The following PPP1R9A variants were observed in gnomAD, a reference collection of about 807,000 sequenced individuals.
The protein encoded by PPP1R9A is neurabin-1.
A neutral mutation model predicts 141.9 loss-of-function variants in PPP1R9A; 59 were observed. The observed-to-expected ratio is 0.42, with a 90% CI of 0.34 to 0.52. The LOEUF (loss-of-function observed/expected upper bound fraction) is 0.52, where lower values mean the gene tolerates loss of function less well. Ranked by LOEUF, PPP1R9A falls within the 20% of genes least tolerant of loss-of-function variation. The pLI is 0.10. For synonymous variants in PPP1R9A, 500 were observed against 569.7 expected (o/e 0.88, Z 1.74); for missense variants, 1,444 against 1,611.9 (o/e 0.90, Z 1.78).
At chr7:95,172,447 A>G (rs1832261891) in intron 5 of PPP1R9A, among the ~76,000 whole-genome samples, 1 of 151,846 alleles carries the variant, frequency 6.6e-6, no homozygotes, top group African/African-American at 2.4e-5. Flanking sequence ...CAATCATGTT[A>G]CAGAAGATGA....
At chr7:95,069,493 A>G (rs1813460023) in intron 2 of PPP1R9A, among the ~76,000 whole-genome samples, 1 of 151,962 alleles carries the variant, frequency 6.6e-6, no homozygotes, top group Non-Finnish European at 1.5e-5. Flanking sequence ...AGAGAGAAGA[A>G]AGGAAAAATC....
At chr7:94,946,844 A>G (rs1220580912) in intron 2 of PPP1R9A, among the ~76,000 whole-genome samples, 1 of 152,130 alleles carries the variant, frequency 6.6e-6, no homozygotes, top group African/African-American at 2.4e-5. Context: ...ATGTCTGTTT[A>G]CTGTTTGAAC....
intron 5 of PPP1R9A, among the ~76,000 whole-genome samples, chr7:95,167,328 G>A (rs757519406): frequency 6.6e-6 from 1 of 152,152 alleles, no homozygotes; most frequent in Non-Finnish European, 1.5e-5. Flanking sequence ...CCCATGACAT[G>A]TGGGAATTGT....
chr7:94,985,902 A>G (rs758556340), intron 2 of PPP1R9A, among the ~76,000 whole-genome samples: 38 of 152,200 alleles, frequency 2.5e-4, no homozygotes, highest in Non-Finnish European at 1.3e-4. Flanking sequence ...GATATGAGAA[A>G]GTTTTCAGAA....
chr7:95,047,564 A>C (rs1401617340), intron 2 of PPP1R9A, among the ~76,000 whole-genome samples: 1 of 152,206 alleles, frequency 6.6e-6, no homozygotes, highest in Non-Finnish European at 1.5e-5. Flanking sequence ...TGTTGAGCCC[A>C]AAAAGACTGT....
intron 7 of PPP1R9A, among the ~76,000 whole-genome samples, chr7:95,217,554 C>T (rs920626662): frequency 6.6e-6 from 1 of 152,092 alleles, no homozygotes; most frequent in African/African-American, 2.4e-5. Context: ...GGTACCAGCT[C>T]CTCCTTGTAC....
chr7:94,944,938 G>A (rs944747828), intron 2 of PPP1R9A, among the ~76,000 whole-genome samples: 1 of 151,984 alleles, frequency 6.6e-6, no homozygotes, highest in Admixed American at 6.6e-5. Context: ...AGGGGATGAC[G>A]TATAATGTCT....
intron 4 of PPP1R9A, chr7:95,156,755 C>T (rs1829676841): frequency 6.6e-6 from 1 of 152,072 alleles, no homozygotes; most frequent in South Asian, 2.1e-4. Flanking sequence ...GTGGATTGTT[C>T]CACTCTGCAG....
At chr7:94,919,453 GT>G (rs1355732069) in intron 2 of PPP1R9A, among the ~76,000 whole-genome samples, 6 of 151,894 alleles carry the variant, frequency 4.0e-5, no homozygotes, top group Non-Finnish European at 8.8e-5. Context: ...CCAACATAGG[GT>G]TTCTTTAAAG....
At chr7:95,148,272 T>G (rs1828005870) in intron 4 of PPP1R9A, among the ~76,000 whole-genome samples, 1 of 152,056 alleles carries the variant, frequency 6.6e-6, no homozygotes, top group African/African-American at 2.4e-5. Flanking sequence ...CAAAAGCTGG[T>G]TCTTAGCAAA....
At chr7:94,991,776 C>A (rs150455203) in intron 2 of PPP1R9A, among the ~76,000 whole-genome samples, 1 of 152,072 alleles carries the variant, frequency 6.6e-6, no homozygotes. Context: ...TTCAGCCTTC[C>A]GAGTAGCTGG....
chr7:94,966,751 T>C (rs538014826), intron 2 of PPP1R9A, among the ~76,000 whole-genome samples: 2 of 152,276 alleles, frequency 1.3e-5, no homozygotes, highest in South Asian at 2.1e-4. Flanking sequence ...ATTGATGTTC[T>C]TCAGGAATAT....
At chr7:94,982,093 C>G (rs188916544) in intron 2 of PPP1R9A, among the ~76,000 whole-genome samples, 1 of 151,870 alleles carries the variant, frequency 6.6e-6, no homozygotes, top group East Asian at 1.9e-4. Flanking sequence ...TCCATCCTTG[C>G]TATAGTTTGC....
intron 4 of PPP1R9A, among the ~76,000 whole-genome samples, chr7:95,138,374 A>G (rs1290436617): frequency 6.6e-6 from 1 of 152,238 alleles, no homozygotes. Flanking sequence ...TACAAAGTTA[A>G]TTCAAAATTA....
At chr7:95,184,605 A>G (rs2152807754) in intron 5 of PPP1R9A, among the ~76,000 whole-genome samples, 1 of 152,228 alleles carries the variant, frequency 6.6e-6, no homozygotes, top group South Asian at 2.1e-4. Context: ...GTAGTCTGTT[A>G]TCCCTCATCC....
intron 3 of PPP1R9A, among the ~76,000 whole-genome samples, chr7:95,114,607 C>A (rs776684717): frequency 6.6e-6 from 1 of 151,846 alleles, no homozygotes; most frequent in Non-Finnish European, 1.5e-5. Context: ...TAGAAGGTAA[C>A]CAAATCAAAT....
At chr7:95,190,183 G>A (rs924989462) in intron 5 of PPP1R9A, among the ~76,000 whole-genome samples, 2 of 152,138 alleles carry the variant, frequency 1.3e-5, no homozygotes, top group African/African-American at 4.8e-5. Flanking sequence ...GAACTCAAGG[G>A]CTGCTGTTCA....
chr7:95,029,094 C>A (rs116043810), intron 2 of PPP1R9A, among the ~76,000 whole-genome samples: 1,696 of 152,198 alleles, frequency 0.011, 34 homozygotes, highest in African/African-American at 0.039. Context: ...AGTGTAGGTG[C>A]TAGACTATAT....
At chr7:94,982,208 T>G (rs1360672245) in intron 2 of PPP1R9A, among the ~76,000 whole-genome samples, 2 of 152,322 alleles carry the variant, frequency 1.3e-5, no homozygotes, top group South Asian at 2.1e-4. Flanking sequence ...ACACATTTTC[T>G]TAATCCAGTC....
Sources: allele counts gnomAD v4.1 joint callset (sites outside exome capture counted in the v4.1 genomes callset), GRCh38; gene constraint gnomAD v4.1.1; transcripts MANE v1.5; gene names NCBI Gene and HGNC (gene_info 2026-07-23, HGNC 2026-07-21).